TUBGCP3: variants seen among roughly 807,000 people sequenced by gnomAD.
TUBGCP3 encodes the protein tubulin gamma complex component 3.
Under a neutral mutation model 123.1 loss-of-function variants are expected in TUBGCP3, and 50 were observed. The ratio of observed to expected loss-of-function variants is 0.41; its 90% CI spans 0.32 to 0.51. TUBGCP3 has a LOEUF of 0.51. Ranked by LOEUF, TUBGCP3 falls within the 20% of genes least tolerant of loss-of-function variation. The pLI is 0.36. For missense variants in TUBGCP3, 882 were observed against 1,127.0 expected (o/e 0.78, Z 3.11); for synonymous variants, 405 against 413.9 (o/e 0.98, Z 0.26).
chr13:112,499,906 A>G (rs1880791566), intron 19 of TUBGCP3, among the ~76,000 whole-genome samples: 1 of 152,210 alleles, frequency 6.6e-6, no homozygotes. Flanking sequence ...AATCATTTAC[A>G]TAAATTAAAA....
intron 4 of TUBGCP3, among the ~76,000 whole-genome samples, chr13:112,558,800 C>T (rs1180143674): frequency 1.3e-5 from 2 of 152,170 alleles, no homozygotes; most frequent in Admixed American, 6.5e-5. Flanking sequence ...ATAGACAGAA[C>T]TCTTTCACCC....
In TUBGCP3 at chr13:112,559,307, G is replaced by A. The variant is rs1288554469; in HGVS notation, c.330+15C>T. 1.9e-5 allele frequency: 31 copies of A among 1,608,220 alleles called. No homozygotes were observed. Among genetic ancestry groups the A allele is most frequent in the Non-Finnish European group, 2.0e-5 (24 of 1,177,480 alleles). ...GTCCCGACGGACACGACGCTGCAAA[G>A]GCAAAGCCACTTACCTTGCTTGGCT... On this transcript the variant is annotated intron_variant, in intron 4 of 21. Coordinates refer to ENST00000261965, the MANE Select transcript of TUBGCP3 (RefSeq NM_006322.6).
At chr13:112,592,448 AC>A (rs1394032039), upstream of TUBGCP3, among the ~76,000 whole-genome samples, 1 of 151,990 alleles carries the variant, frequency 6.6e-6, no homozygotes, top group African/African-American at 2.4e-5. The surrounding 1 kb of genome is among the most constrained non-coding windows in gnomAD (Gnocchi z 4.1). Flanking sequence ...GCCAGCCCCC[AC>A]CCTGGTGTTT....
the TUBGCP3 span, chr13:112,603,061 T>A: frequency 6.6e-6 from 1 of 152,216 alleles, no homozygotes; most frequent in Non-Finnish European, 1.5e-5. Flanking sequence ...GCTCTACTAC[T>A]GACGAGAAGA....
chr13:112,514,093 A>G (rs1016326444), intron 17 of TUBGCP3, among the ~76,000 whole-genome samples: 1 of 152,160 alleles, frequency 6.6e-6, no homozygotes, highest in Non-Finnish European at 1.5e-5. Context: ...GTACGGTGAG[A>G]TCTTTTGAGA....
chr13:112,589,685 A>G (rs1198857929), upstream of TUBGCP3, among the ~76,000 whole-genome samples: 2 of 152,232 alleles, frequency 1.3e-5, no homozygotes, highest in African/African-American at 2.4e-5. Context: ...ATGGCAAGCC[A>G]TACTATTGCC....
In TUBGCP3 at chr13:112,488,422, C is replaced by T. The variant is rs566041024; in HGVS notation, c.2565+1159G>A. Among the ~76,000 whole-genome samples, 14 of 152,312 alleles carry T rather than the reference C, an allele frequency of 9.2e-5. No homozygotes were observed. The East Asian group carries it at 2.7e-3, about 29-fold the overall frequency. The stretch of plus-strand genomic sequence containing the variant: ...AGGCAAAAGCAGAGGGACAGACATG[C>T]AGAGCAGCCGTCCCCAGCCTTCCGG... On this transcript the variant is annotated intron_variant, in intron 21 of 21. Transcript: ENST00000261965.
At position 112,508,190 on chromosome 13, in the gene TUBGCP3, C is replaced by T. The variant is rs1301561481; in HGVS notation, c.2087-3476G>A. Reference sequence around the variant, plus strand: ...GCCTGTATCCCTCGTGCCCCCTAGTCACTCCAAGCCCGCCTCTCCCTCCTA... The same window carrying T: ...GCCTGTATCCCTCGTGCCCCCTAGTTACTCCAAGCCCGCCTCTCCCTCCTA... On this transcript the variant is annotated intron_variant, in intron 17 of 21. Coordinates refer to ENST00000261965, the MANE Select transcript of TUBGCP3 (RefSeq NM_006322.6). The surrounding 1 kb of genome is among the most constrained non-coding windows in gnomAD (Gnocchi z 4.2). 6.6e-6 allele frequency among the ~76,000 whole-genome samples: 1 copy of T among 152,140 alleles called. No homozygotes were observed. Among genetic ancestry groups the T allele is most frequent in the Non-Finnish European group, 1.5e-5 (1 of 68,020 alleles).
intron 1 of TUBGCP3, among the ~76,000 whole-genome samples, chr13:112,573,204 A>G (rs539181937): frequency 6.6e-6 from 1 of 151,512 alleles, no homozygotes; most frequent in East Asian, 1.9e-4. Context: ...GACATAACAC[A>G]TCCATGAAAC....
intron 21 of TUBGCP3, among the ~76,000 whole-genome samples, chr13:112,488,763 C>T (rs1354982013): frequency 3.2e-5 from 4 of 126,914 alleles, no homozygotes; most frequent in African/African-American, 1.2e-4. Context: ...CAGGGGAGCA[C>T]AGGGGTCACC....
chr13:112,515,038 T>C (rs1164173427), intron 17 of TUBGCP3, among the ~76,000 whole-genome samples: 1 of 152,180 alleles, frequency 6.6e-6, no homozygotes, highest in Non-Finnish European at 1.5e-5. Flanking sequence ...ATCCTAGCGA[T>C]ATAAATAAAT....
intron 17 of TUBGCP3, among the ~76,000 whole-genome samples, chr13:112,510,007 T>C (rs978175429): frequency 3.3e-5 from 5 of 152,170 alleles, no homozygotes; most frequent in Non-Finnish European, 5.9e-5. Context: ...AGTAACTATA[T>C]AATTATAAGA....
In TUBGCP3 at chr13:112,524,848, T is replaced by C. The variant is rs1368220962; in HGVS notation, c.1555+2094A>G. Among the ~76,000 whole-genome samples the C allele has an allele frequency of 6.6e-6, 1 of 152,190 alleles. No homozygotes were observed. Among genetic ancestry groups the C allele is most frequent in the Non-Finnish European group, 1.5e-5 (1 of 68,030 alleles). On this transcript the variant is annotated intron_variant, in intron 13 of 21. Transcript: ENST00000261965. This position sits in a 1 kb window ranked among gnomAD's most constrained non-coding sequence, Gnocchi z 4.4. ...GTTTCAGTATAGCATTTCCAATACA[T>C]GCTGGAAGCTTCCACTAGTAAGTCC...
At chr13:112,498,867 G>T (rs1880696222) in intron 20 of TUBGCP3, 178 bp downstream of exon 20, 1 of 1,609,780 alleles carries the variant, frequency 6.2e-7, no homozygotes, top group Admixed American at 1.7e-5. Flanking sequence ...GCCAGTGAGG[G>T]TGGCCCCTCC....
intron 12 of TUBGCP3, 71 bp from the exon 13 acceptor site, chr13:112,527,121 G>T: frequency 7.6e-7 from 1 of 1,319,788 alleles, no homozygotes; most frequent in Non-Finnish European, 1.1e-6. Flanking sequence ...ACAAATATTC[G>T]TAAGCTACAA....
chr13:112,560,480 C>A lies in TUBGCP3; in HGVS notation c.253-1081G>T, dbSNP rs182817586. Among the ~76,000 whole-genome samples the A allele has an allele frequency of 4.6e-4, 70 of 152,018 alleles. 1 individual carries two copies. The highest frequency in any genetic ancestry group is 3.2e-3 in the Admixed American group (49 of 15,280). On this transcript the variant is annotated intron_variant, in intron 3 of 21. Coordinates refer to ENST00000261965, the MANE Select transcript of TUBGCP3 (RefSeq NM_006322.6). ...AGCACTTAGCTGTCAAGATAACCAA[C>A]CCACAGGTTTCTATGCAAGGGTTAT... is the stretch of plus-strand genomic sequence containing the variant.
At chr13:112,540,113 T>A (rs1226034744) in intron 11 of TUBGCP3, among the ~76,000 whole-genome samples, 2 of 150,094 alleles carry the variant, frequency 1.3e-5, no homozygotes, top group African/African-American at 4.9e-5. Context: ...ATTCAGATGA[T>A]CTTGGGAAAG....
At chr13:112,510,388 C>T (rs974793044) in intron 17 of TUBGCP3, among the ~76,000 whole-genome samples, 2 of 152,062 alleles carry the variant, frequency 1.3e-5, no homozygotes, top group African/African-American at 2.4e-5. Context: ...CTCCTCAACC[C>T]GTATTTATGT....
chr13:112,587,464 C>T (rs41288624), intron 1 of TUBGCP3: 25,542 of 160,424 alleles, frequency 0.16, 2,252 homozygotes, highest in East Asian at 0.2. Context: ...CCGCTCTCTC[C>T]ACCCCACAGG....
Sources: gnomAD v4.1 joint callset for allele counts (sites outside exome capture counted in the v4.1 genomes callset) on GRCh38, gnomAD v4.1.1 for gene constraint, Gnocchi (gnomAD v3.1) non-coding constraint, MANE v1.5 for transcripts, NCBI Gene and HGNC (gene_info 2026-07-23, HGNC 2026-07-21) for gene names.